The following ABTB3 variants were observed in gnomAD, a reference collection of about 807,000 sequenced individuals.
ABTB3 encodes ankyrin repeat- and BTB/POZ domain-containing protein 3.
the ABTB3 span, among the ~76,000 whole-genome samples, chr12:107,553,864 C>T: frequency 3.9e-5 from 6 of 152,108 alleles, no homozygotes; most frequent in Middle Eastern, 3.2e-3. Flanking sequence ...CACTTGAACC[C>T]GGGAGGTGGA....
the ABTB3 span, among the ~76,000 whole-genome samples, chr12:107,618,729 C>T: frequency 6.6e-6 from 1 of 152,244 alleles, no homozygotes; most frequent in Non-Finnish European, 1.5e-5. Flanking sequence ...AGAGGCTCTG[C>T]TGTCGAGGGT....
At chr12:107,467,259 C>T in the ABTB3 span, among the ~76,000 whole-genome samples, 1 of 152,120 alleles carries the variant, frequency 6.6e-6, no homozygotes, top group Non-Finnish European at 1.5e-5. Flanking sequence ...ATCCGCACAG[C>T]TGTCTGTTTT....
At chr12:107,518,783 G>T in the ABTB3 span, among the ~76,000 whole-genome samples, 2 of 152,144 alleles carry the variant, frequency 1.3e-5, no homozygotes, top group Non-Finnish European at 2.9e-5. Flanking sequence ...ATGTCGAGCA[G>T]GGTTGGAAAC....
the ABTB3 span, among the ~76,000 whole-genome samples, chr12:107,329,435 T>C: frequency 2.9e-4 from 44 of 152,234 alleles, no homozygotes; most frequent in African/African-American, 1.0e-3. Flanking sequence ...TAAAAGTCTT[T>C]AGAATAATAT....
the ABTB3 span, chr12:107,617,843 C>A: frequency 2.4e-6 from 1 of 410,494 alleles, no homozygotes; most frequent in Non-Finnish European, 4.4e-6. Flanking sequence ...ACACATAACC[C>A]CAAGCAGAGC....
chr12:107,581,245 C>G, the ABTB3 span: 2 of 1,523,208 alleles, frequency 1.3e-6, no homozygotes, highest in Admixed American at 2.0e-5. Context: ...ACAGCGACGA[C>G]GTCCGCCAGG....
the ABTB3 span, among the ~76,000 whole-genome samples, chr12:107,597,564 G>T: frequency 6.6e-6 from 1 of 152,090 alleles, no homozygotes; most frequent in Admixed American, 6.6e-5. Context: ...CCTTCCAAAG[G>T]TCCCACCTCA....
chr12:107,446,402 C>G, the ABTB3 span, among the ~76,000 whole-genome samples: 3 of 152,168 alleles, frequency 2.0e-5, no homozygotes, highest in African/African-American at 7.2e-5. Context: ...GAGGGCCTAA[C>G]TCCATGCTGA....
At chr12:107,500,540 G>A in the ABTB3 span, among the ~76,000 whole-genome samples, 1 of 152,296 alleles carries the variant, frequency 6.6e-6, no homozygotes, top group East Asian at 1.9e-4. Context: ...TGTATCAGCA[G>A]TGTGACCTTG....
At chr12:107,347,454 C>A in the ABTB3 span, among the ~76,000 whole-genome samples, 1 of 150,386 alleles carries the variant, frequency 6.6e-6, no homozygotes, top group Non-Finnish European at 1.5e-5. Flanking sequence ...GCTCAGCTGG[C>A]AGTTCATCTG....
chr12:107,610,193 C>A, the ABTB3 span: 8 of 1,614,036 alleles, frequency 5.0e-6, no homozygotes, highest in Non-Finnish European at 4.2e-6. Context: ...TCCTTAGGGC[C>A]GACGACTGCT....
the ABTB3 span, among the ~76,000 whole-genome samples, chr12:107,532,791 A>G: frequency 6.6e-6 from 1 of 152,200 alleles, no homozygotes; most frequent in Non-Finnish European, 1.5e-5. Context: ...CCAGCTACAT[A>G]TAAGGGAATT....
At chr12:107,351,037 GA>G in the ABTB3 span, among the ~76,000 whole-genome samples, 11 of 150,810 alleles carry the variant, frequency 7.3e-5, no homozygotes, top group Non-Finnish European at 1.2e-4. Context: ...TTGGAAACCG[GA>G]AAAAAAAACC....
the ABTB3 span, among the ~76,000 whole-genome samples, chr12:107,433,516 G>A: frequency 3.9e-5 from 6 of 152,222 alleles, no homozygotes; most frequent in East Asian, 1.2e-3. Context: ...ACTGAGGAAG[G>A]AGCAGCCCCC....
At chr12:107,415,711 C>CAA in the ABTB3 span, among the ~76,000 whole-genome samples, 11 of 148,612 alleles carry the variant, frequency 7.4e-5, no homozygotes, top group African/African-American at 2.5e-4. Context: ...CTGTCTCAAC[C>CAA]AAAAAAAACA....
chr12:107,623,042 G>T, the ABTB3 span, among the ~76,000 whole-genome samples: 4 of 150,812 alleles, frequency 2.7e-5, no homozygotes, highest in Admixed American at 2.6e-4. Flanking sequence ...TGTTTAAAAA[G>T]ACTTCCCAGC....
the ABTB3 span, among the ~76,000 whole-genome samples, chr12:107,605,664 A>T: frequency 1.3e-5 from 2 of 152,204 alleles, no homozygotes; most frequent in Non-Finnish European, 2.9e-5. Context: ...GCAGGGGCAT[A>T]ACATGGTTCT....
the ABTB3 span, among the ~76,000 whole-genome samples, chr12:107,342,487 C>G: frequency 6.6e-6 from 1 of 152,188 alleles, no homozygotes; most frequent in Non-Finnish European, 1.5e-5. Context: ...CTCAGAACAT[C>G]TCAAGAACCT....
At chr12:107,529,245 A>G in the ABTB3 span, among the ~76,000 whole-genome samples, 5 of 148,300 alleles carry the variant, frequency 3.4e-5, no homozygotes, top group Non-Finnish European at 4.5e-5. Flanking sequence ...AATGATGGAG[A>G]TGATGATGGT....
Sources: gnomAD v4.1 joint callset for allele counts (sites outside exome capture counted in the v4.1 genomes callset) on GRCh38, gnomAD v4.1.1 for gene constraint, MANE v1.5 for transcripts, NCBI Gene and HGNC (gene_info 2026-07-23, HGNC 2026-07-21) for gene names.